MDGA2: variants seen among roughly 807,000 people sequenced by gnomAD.
The protein encoded by MDGA2 is MAM domain-containing glycosylphosphatidylinositol anchor protein 2.
A neutral mutation model predicts 117.8 loss-of-function variants in MDGA2; 40 were observed. That is an observed-to-expected ratio of 0.34 (90% CI 0.26 to 0.44). MDGA2 has a LOEUF of 0.44. MDGA2 is among the 20% of genes least tolerant of loss of function. The probability of loss-of-function intolerance (pLI) is 1.00; values close to 1 mark genes in which losing one functional copy is unlikely to be tolerated. For synonymous variants in MDGA2, 452 were observed against 439.0 expected, an observed-to-expected ratio of 1.03 and a Z score of -0.37; for missense variants, 1,123 against 1,250.6, an observed-to-expected ratio of 0.90 and a Z score of 1.54.
intron 15 of MDGA2, among the ~76,000 whole-genome samples, chr14:46,853,585 AAAC>A (rs371735828): frequency 1.4e-4 from 21 of 151,868 alleles, no homozygotes; most frequent in African/African-American, 3.6e-4. Context: ...GAAACAATGC[AAAC>A]AAGAAGAGTA....
chr14:47,238,798 C>CA (rs1886949337), intron 2 of MDGA2, among the ~76,000 whole-genome samples: 1 of 151,516 alleles, frequency 6.6e-6, no homozygotes. Flanking sequence ...GATGTAAAAA[C>CA]AAAATAAAAC....
At chr14:47,012,938 C>A (rs1250248150) in intron 8 of MDGA2, among the ~76,000 whole-genome samples, 1 of 152,066 alleles carries the variant, frequency 6.6e-6, no homozygotes, top group Non-Finnish European at 1.5e-5. Flanking sequence ...TTTAAAAATA[C>A]CCTAAGGCAA....
chr14:47,340,707 T>C (rs766738440), intron 1 of MDGA2, among the ~76,000 whole-genome samples: 1 of 152,206 alleles, frequency 6.6e-6, no homozygotes, highest in Non-Finnish European at 1.5e-5. Context: ...CATTTCTTAA[T>C]GCAATAGCAT....
intron 1 of MDGA2, among the ~76,000 whole-genome samples, chr14:47,331,189 T>TCC (rs10679831): frequency 0.96 from 146,300 of 151,798 alleles, 70,753 homozygotes; most frequent in East Asian, 1. Flanking sequence ...ATACATAAAT[T>TCC]CCCCAAAATA....
intron 3 of MDGA2, among the ~76,000 whole-genome samples, chr14:47,198,803 T>G (rs1285801367): frequency 3.3e-5 from 5 of 152,190 alleles, no homozygotes; most frequent in Admixed American, 3.3e-4. Context: ...ATGAGTAATT[T>G]TATGTGTCAA....
At position 46,884,852 on chromosome 14, in the gene MDGA2, T is replaced by A. The variant is rs944898646; in HGVS notation, c.2239-2631A>T. On this transcript the variant is annotated intron_variant, in intron 10 of 16. Transcript: ENST00000399232. This position sits in a 1 kb window ranked among gnomAD's most constrained non-coding sequence, Gnocchi z 4.1. ...ATCTCAGGTAATACATTACTTTCTT[T>A]TTTGTTTTTTTTCTGAGACAGTCTC... 3.2e-4 allele frequency among the ~76,000 whole-genome samples: 48 copies of A among 147,694 alleles called. No individual in the cohort carries two copies. Among genetic ancestry groups the A allele is most frequent in the African/African-American group, 1.2e-3 (48 of 41,244 alleles).
chr14:47,078,310 A>G (rs1412952917), intron 6 of MDGA2, among the ~76,000 whole-genome samples: 1 of 152,130 alleles, frequency 6.6e-6, no homozygotes, highest in Non-Finnish European at 1.5e-5. Context: ...CATATATATC[A>G]ATATCCTGAA....
intron 1 of MDGA2, among the ~76,000 whole-genome samples, chr14:47,438,233 T>A (rs1892935306): frequency 1.3e-5 from 2 of 152,112 alleles, no homozygotes; most frequent in South Asian, 4.1e-4. Context: ...TAGAATAATC[T>A]AAAGGTAAAG....
chr14:47,318,276 CT>C (rs1344802163), intron 1 of MDGA2, among the ~76,000 whole-genome samples: 1 of 151,574 alleles, frequency 6.6e-6, no homozygotes, highest in East Asian at 1.9e-4. Flanking sequence ...GGAAATTCTT[CT>C]TCTGCTTCCT....
chr14:47,127,456 T>A (rs1190339490), intron 5 of MDGA2, among the ~76,000 whole-genome samples: 1 of 152,118 alleles, frequency 6.6e-6, no homozygotes, highest in Non-Finnish European at 1.5e-5. Context: ...CACCACCAGA[T>A]GGAAAAATTT....
chr14:47,532,210 T>C (rs1895115191), intron 1 of MDGA2, among the ~76,000 whole-genome samples: 2 of 152,222 alleles, frequency 1.3e-5, no homozygotes, highest in African/African-American at 4.8e-5. Context: ...CCAGTTTTCA[T>C]CTTCCAAGTC....
chr14:47,570,433 C>T (rs1895997739), intron 1 of MDGA2, among the ~76,000 whole-genome samples: 1 of 152,082 alleles, frequency 6.6e-6, no homozygotes. Context: ...CTCTTTAAGT[C>T]AGTATACTCA....
chr14:47,316,510 T>C (rs185692822), intron 1 of MDGA2, among the ~76,000 whole-genome samples: 2 of 152,122 alleles, frequency 1.3e-5, no homozygotes, highest in East Asian at 3.9e-4. Context: ...TTTTCAAAAA[T>C]AAACATGGAA....
intron 1 of MDGA2, among the ~76,000 whole-genome samples, chr14:47,483,692 C>A (rs1347808921): frequency 1.3e-5 from 2 of 152,150 alleles, no homozygotes; most frequent in African/African-American, 4.8e-5. Flanking sequence ...CATCTGTTAA[C>A]ATATTCATAT....
intron 1 of MDGA2, among the ~76,000 whole-genome samples, chr14:47,375,202 A>G (rs1042504663): frequency 1.8e-4 from 15 of 81,186 alleles, no homozygotes; most frequent in African/African-American, 6.9e-4. Context: ...GCCTCTTAGG[A>G]AAAAAAAAAA....
At chr14:47,134,144 C>T (rs1882342021) in intron 4 of MDGA2, among the ~76,000 whole-genome samples, 1 of 151,948 alleles carries the variant, frequency 6.6e-6, no homozygotes, top group South Asian at 2.1e-4. Flanking sequence ...TCTAATTATG[C>T]CATCTCCTTG....
intron 1 of MDGA2, among the ~76,000 whole-genome samples, chr14:47,396,088 T>C (rs1224919576): frequency 2.0e-5 from 3 of 152,196 alleles, no homozygotes; most frequent in Non-Finnish European, 2.9e-5. Context: ...ATGAGGCAAG[T>C]GCACAAATCA....
intron 3 of MDGA2, among the ~76,000 whole-genome samples, chr14:47,195,288 C>G (rs996616169): frequency 9.2e-5 from 14 of 151,940 alleles, no homozygotes; most frequent in African/African-American, 3.4e-4. Flanking sequence ...CCTCTTTCAA[C>G]AAAATTATTA....
chr14:47,210,309 T>A (rs557662692), intron 3 of MDGA2, among the ~76,000 whole-genome samples: 1 of 152,294 alleles, frequency 6.6e-6, no homozygotes, highest in African/African-American at 2.4e-5. Flanking sequence ...AAAAGATTTG[T>A]CTCATGTGTG....
Sources: gnomAD v4.1 joint callset for allele counts (sites outside exome capture counted in the v4.1 genomes callset) on GRCh38, gnomAD v4.1.1 for gene constraint, Gnocchi (gnomAD v3.1) non-coding constraint, MANE v1.5 for transcripts, NCBI Gene and HGNC (gene_info 2026-07-23, HGNC 2026-07-21) for gene names.